Variants in TTN observed in about 807,000 individuals in gnomAD.
TTN encodes the protein connectin.
In TTN, 1,525 loss-of-function variants were observed where a neutral mutation model predicts 3,223.0. The ratio of observed to expected loss-of-function variants is 0.47; its 90% confidence interval spans 0.45 to 0.49. TTN has a LOEUF of 0.49. Ranked by LOEUF, TTN falls within the 20% of genes least tolerant of loss-of-function variation. The pLI, the probability that TTN is intolerant of heterozygous loss-of-function variation, is 0.00. For missense variants in TTN, 40,786 were observed against 43,424.0 expected (o/e 0.94, Z 5.40); for synonymous variants, 14,094 against 15,161.0 (o/e 0.93, Z 5.17).
In TTN at chr2:178,536,537, C is replaced by T; in HGVS notation, c.100210G>A (p.Val33404Ile). The T allele has an allele frequency of 2.6e-6, 4 of 1,520,298 alleles. No individual in the cohort carries two copies. Among genetic ancestry groups the T allele is most frequent in the Non-Finnish European group, 3.5e-6 (4 of 1,138,538 alleles). 94.2% of individuals were successfully genotyped at this position (1,520,298 alleles called of 1,614,324 possible). ...GAPGKPTITA[V>I]TKDSCVVAWK... Reference sequence around the variant, plus strand: ...GCCACAACACAAGAATCTTTTGTGACAGCAGTAATAGTTGGTTTGCCAGGA... The same window carrying T: ...GCCACAACACAAGAATCTTTTGTGATAGCAGTAATAGTTGGTTTGCCAGGA... The change falls in exon 357 of 363, where the codon GTC (valine) becomes ATC (isoleucine). Residue 33404 changes from valine to isoleucine, a missense_variant. Coordinates refer to ENST00000589042, the MANE Select transcript of TTN (RefSeq NM_001267550.2).
intron 47 of TTN, chr2:178,748,494 C>A: frequency 6.2e-7 from 1 of 1,613,030 alleles, no homozygotes; most frequent in African/African-American, 1.3e-5. Flanking sequence ...TCCCTAGTTT[C>A]TTGCCCTTGG....
In TTN at chr2:178,593,266, A is replaced by G. The variant is rs375814269; in HGVS notation, c.58942T>C (p.Cys19648Arg). ...KFRVPDLLEGCQYEFRVSAEN... is the reference protein window; with the variant it reads ...KFRVPDLLEGRQYEFRVSAEN... The stretch of plus-strand genomic sequence containing the variant: ...GCAGAAACCCGGAATTCATACTGAC[A>G]TCCTTCTAGAAGATCAGGAACCCTA... Residue 19648 changes from cysteine (C) to arginine (R), a missense_variant, in exon 299 of 363, where the codon TGT (cysteine) becomes CGT (arginine). Coordinates refer to ENST00000589042, the MANE Select transcript of TTN (RefSeq NM_001267550.2). The G allele has an allele frequency of 6.2e-7, 1 of 1,613,422 alleles. No individual in the cohort carries two copies. The highest frequency in any genetic ancestry group is 8.5e-7 in the Non-Finnish European group (1 of 1,179,570).
Position 178,586,834 on chromosome 2 carries a change from T to C in TTN, c.64094-27A>G, listed in dbSNP as rs374902323. ...TAGAAGAAAAACATAATTTAGAAGATTACCTAGGTAACCTAATCAAATCCC... is the reference window on the plus strand; with the variant it reads ...TAGAAGAAAAACATAATTTAGAAGACTACCTAGGTAACCTAATCAAATCCC... On this transcript the variant is annotated intron_variant, in intron 307 of 362. Transcript: ENST00000589042. 1.2e-4 allele frequency: 195 copies of C among 1,600,906 alleles called. No homozygotes were observed. The African/African-American group carries it at 2.2e-3, about 18-fold the overall frequency.
At chr2:178,762,661 TTTGTATTA>T (rs755708729) in intron 43 of TTN, among the ~76,000 whole-genome samples, 1 of 152,196 alleles carries the variant, frequency 6.6e-6, no homozygotes, top group Non-Finnish European at 1.5e-5. Context: ...TAAAATATAT[TTTGTATTA>T]TTGTGTTAGT....
chr2:178,544,917 T>C (rs1696329751), intron 344 of TTN, among the ~76,000 whole-genome samples: 1 of 152,160 alleles, frequency 6.6e-6, no homozygotes, highest in Admixed American at 6.6e-5. Context: ...TCAGTCCCAG[T>C]GACTATTCCT....
rs751398654 is a variant in TTN, at chr2:178,654,234, T to C, written c.38354A>G (p.Lys12785Arg). 7.5e-6 allele frequency: 12 copies of C among 1,599,048 alleles called. No homozygotes were observed. The highest frequency in any genetic ancestry group is 1.0e-5 in the Non-Finnish European group (12 of 1,177,952). The part of the protein sequence containing the change: ...LEKKVSVAVP[K>R]KPEAPRAKVP... The stretch of plus-strand genomic sequence containing the variant: ...TTTTGCACGTGGGGCTTCCGGTTTT[T>C]TGGGCACAGCCACAGATACTTTCTT... The change falls in exon 193 of 363, where the codon AAA becomes AGA. Residue 12785 changes from lysine to arginine, a missense_variant. Lys to Arg is a conservative substitution (Grantham distance 26). Transcript: ENST00000589042.
intron 43 of TTN, 41 bp from the exon 44 acceptor site, chr2:178,759,213 G>A (rs1053211189): frequency 1.6e-5 from 25 of 1,602,140 alleles, no homozygotes; most frequent in Middle Eastern, 3.3e-4. Flanking sequence ...CCACAAAAAT[G>A]AGTGGATTTT....
intron 84 of TTN, 46 bp from the exon 85 acceptor site, chr2:178,718,646 G>A (rs1259949432): frequency 1.2e-5 from 19 of 1,602,976 alleles, no homozygotes; most frequent in Non-Finnish European, 1.4e-5. Flanking sequence ...TTCTAATGAA[G>A]ACTTAAGAGA....
rs375178211 is a variant in TTN, at chr2:178,537,367, A to G, written c.99840T>C (p.Asp33280=). The change falls in exon 355 of 363, where the codon GAT becomes GAC. Residue 33280 remains aspartate, a synonymous_variant. Transcript: ENST00000589042. ...VQLSNVFGTV[D]AILDVEIQDK... ...CTTGTATTTCCACATCAAGGATGGCATCAACTGTTCCAAAAACATTGCTGA... is the reference window on the plus strand; with the variant it reads ...CTTGTATTTCCACATCAAGGATGGCGTCAACTGTTCCAAAAACATTGCTGA... 4.5e-5 allele frequency: 71 copies of G among 1,587,836 alleles called. No individual in the cohort carries two copies. The highest frequency in any genetic ancestry group is 5.6e-5 in the Non-Finnish European group (65 of 1,165,760).
At chr2:178,692,466 A>T in intron 120 of TTN, 31 bp downstream of exon 120, 1 of 1,536,500 alleles carries the variant, frequency 6.5e-7, no homozygotes, top group Non-Finnish European at 8.8e-7. Context: ...ATGGATGCTA[A>T]GAATTATTTT....
chr2:178,636,492 G>A lies in TTN; in HGVS notation c.41235C>T (p.Ile13745=), dbSNP rs1320819276. ...IADGKDRKLH[I]IDVQLSDAGE... The stretch of plus-strand genomic sequence containing the variant: ...CAGCATCGGAAAGTTGAACATCAAT[G>A]ATGTGCAGCTTTCTGTCTTTACCAT... The change falls in exon 225 of 363, where the codon ATC becomes ATT. Residue 13745 remains isoleucine (I), a synonymous_variant. Transcript: ENST00000589042. The surrounding 1 kb of genome is among the most constrained non-coding windows in gnomAD (Gnocchi z 4.3). The A allele has an allele frequency of 1.9e-6, 3 of 1,613,332 alleles. No individual in the cohort carries two copies. The highest frequency in any genetic ancestry group is 1.1e-5 in the South Asian group (1 of 91,076).
At position 178,800,545 on chromosome 2, in the gene TTN, G is replaced by T; in HGVS notation, c.433C>A (p.Gln145Lys). The change falls in exon 4 of 363, where the codon CAG (glutamine) becomes AAG (lysine). Residue 145 changes from glutamine to lysine, a missense_variant. Transcript: ENST00000589042. ...VKFYRDGAEI[Q>K]SSLDFQISQE... Reference sequence around the variant, plus strand: ...GAAATTTGGAAATCAAGGGAGCTCTGGATTTCGGCTCCATCCCGGTAGAAC... The same window carrying T: ...GAAATTTGGAAATCAAGGGAGCTCTTGATTTCGGCTCCATCCCGGTAGAAC... 6.2e-7 allele frequency: 1 copy of T among 1,614,142 alleles called. No homozygotes were observed. Among genetic ancestry groups the T allele is most frequent in the Non-Finnish European group, 8.5e-7 (1 of 1,180,004 alleles).
At chr2:178,642,449 C>T (rs2061366657) in intron 218 of TTN, 132 bp from the exon 219 acceptor site, 1 of 702,772 alleles carries the variant, frequency 1.4e-6, no homozygotes, top group Non-Finnish European at 2.4e-6. Context: ...ATAAATACCA[C>T]AGAATTTAAG....
At chr2:178,773,806 T>C in intron 31 of TTN, 32 bp downstream of exon 31, 1 of 1,614,006 alleles carries the variant, frequency 6.2e-7, no homozygotes, top group Non-Finnish European at 8.5e-7. Flanking sequence ...TGCTTAATAG[T>C]GTAAACATAA....
In TTN at chr2:178,647,447, T is replaced by C; in HGVS notation, c.40075A>G (p.Lys13359Glu). 1 of 1,549,698 alleles carries C rather than the reference T, an allele frequency of 6.5e-7. No individual in the cohort carries two copies. The highest frequency in any genetic ancestry group is 8.7e-7 in the Non-Finnish European group (1 of 1,146,392). Residue 13359 changes from lysine to glutamate, a missense_variant, in exon 214 of 363, where the codon AAA becomes GAA. By Grantham distance (56) the Lys-to-Glu change is moderately conservative (BLOSUM62 1). Coordinates refer to ENST00000589042, the MANE Select transcript of TTN (RefSeq NM_001267550.2). ...GACACTTCCTTTTCTGGGATGATTT[T>C]CTCAGGCACTTTGGGCACTTTAAAG... ...LPEKVPKVPE[K>E]IIPEKEVSVP...
Position 178,775,144 on chromosome 2 carries a change from G to A in TTN, c.6567C>T (p.Asp2189=), listed in dbSNP as rs879111475. ...TTTCACATTCAAAGGTTGCCATAGT[G>A]TCTTTTTCCTTAGCAACAACATCTT... ...ELQDVVAKEK[D]TMATFECETS... The change falls in exon 29 of 363, where the codon GAC becomes GAT. Residue 2189 remains aspartate (D), a synonymous_variant. Transcript: ENST00000589042. 1.2e-6 allele frequency: 2 copies of A among 1,613,960 alleles called. No individual in the cohort carries two copies. Among genetic ancestry groups the A allele is most frequent in the African/African-American group, 2.7e-5 (2 of 75,012 alleles).
Position 178,652,450 on chromosome 2 carries a change from A to G in TTN, c.39127+8T>C. Reference sequence around the variant, plus strand: ...GATCATCTGAAGCCTAAAATCAGTGACAAATACCTTTAACAGGTGTGACTT... The same window carrying G: ...GATCATCTGAAGCCTAAAATCAGTGGCAAATACCTTTAACAGGTGTGACTT... On this transcript the variant is annotated splice_region_variant and intron_variant, in intron 202 of 362. Transcript: ENST00000589042. The G allele has an allele frequency of 6.2e-7, 1 of 1,613,206 alleles. No individual in the cohort carries two copies. The highest frequency in any genetic ancestry group is 8.5e-7 in the Non-Finnish European group (1 of 1,179,432).
chr2:178,713,743 T>G (rs2077039126), intron 92 of TTN, 154 bp downstream of exon 92: 2 of 1,026,606 alleles, frequency 1.9e-6, no homozygotes, highest in Non-Finnish European at 2.8e-6. Flanking sequence ...GGTTTTCTTC[T>G]AATTCTACAG....
chr2:178,551,148 T>C lies in TTN; in HGVS notation c.91383A>G (p.Lys30461=), dbSNP rs1404493436. ...GSKIVGYSIE[K]RQGNERWVRC... is the part of the protein sequence containing the mutation. ...TCACCCAGCGTTCATTTCCTTGCCG[T>C]TTCTCAATGCTATAGCCCACAATCT... Residue 30461 remains lysine, a synonymous_variant, in exon 336 of 363, where the codon AAA becomes AAG. Coordinates refer to ENST00000589042, the MANE Select transcript of TTN (RefSeq NM_001267550.2). 8 of 1,613,402 alleles carry C rather than the reference T, an allele frequency of 5.0e-6. No individual in the cohort carries two copies. The highest frequency in any genetic ancestry group is 6.8e-6 in the Non-Finnish European group (8 of 1,179,652).
Sources: allele counts gnomAD v4.1 joint callset (sites outside exome capture counted in the v4.1 genomes callset), GRCh38; gene constraint gnomAD v4.1.1; non-coding constraint Gnocchi (gnomAD v3.1); transcripts MANE v1.5; gene names NCBI Gene and HGNC (gene_info 2026-07-23, HGNC 2026-07-21).